WWOX: variants seen among roughly 807,000 people sequenced by gnomAD.
The protein encoded by WWOX is WW domain containing oxidoreductase, also known as WW domain-containing oxidoreductase.
Under a neutral mutation model 46.2 loss-of-function variants are expected in WWOX, and 69 were observed. That is an observed-to-expected ratio of 1.49 (90% CI 1.23 to 1.82). The LOEUF (loss-of-function observed/expected upper bound fraction) is 1.82. Ranked by LOEUF, WWOX falls within the 40% of genes most tolerant of loss-of-function variation. WWOX has a pLI of 0.00. For synonymous variants in WWOX, 359 were observed against 202.6 expected, an observed-to-expected ratio of 1.77 and a Z score of -6.56; for missense variants, 919 against 542.6, an observed-to-expected ratio of 1.69 and a Z score of -6.89.
intron 5 of WWOX, among the ~76,000 whole-genome samples, chr16:78,164,817 A>T (rs2034919012): frequency 6.6e-6 from 1 of 152,218 alleles, no homozygotes; most frequent in African/African-American, 2.4e-5. Context: ...AATAGACCAT[A>T]ATCAAGTTTA....
At chr16:78,495,145 CT>C (rs71140804) in intron 8 of WWOX, among the ~76,000 whole-genome samples, 61 of 116,580 alleles carry the variant, frequency 5.2e-4, no homozygotes, top group East Asian at 1.0e-3. Flanking sequence ...CTGTTGTGTT[CT>C]TTTTTTTTTT....
At chr16:78,702,125 T>A (rs2048237830) in intron 8 of WWOX, among the ~76,000 whole-genome samples, 1 of 134,846 alleles carries the variant, frequency 7.4e-6, no homozygotes, top group Non-Finnish European at 1.6e-5. Context: ...TATATATATT[T>A]ATTTATTTTC....
intron 6 of WWOX, among the ~76,000 whole-genome samples, chr16:78,421,472 A>T (rs1461454403): frequency 1.3e-5 from 2 of 152,150 alleles, no homozygotes; most frequent in African/African-American, 4.8e-5. Context: ...TTAATCCAAG[A>T]TGATCTCATT....
At chr16:79,077,636 T>TCC (rs1555523688) in intron 8 of WWOX, 11 of 117,560 alleles carry the variant, frequency 9.4e-5, no homozygotes, top group South Asian at 2.8e-4. Flanking sequence ...CCTTAAATGG[T>TCC]CCCCCCTTTT....
At chr16:78,483,394 C>A (rs1242721573) in intron 8 of WWOX, among the ~76,000 whole-genome samples, 1 of 144,368 alleles carries the variant, frequency 6.9e-6, no homozygotes, top group Non-Finnish European at 1.5e-5. Context: ...TTTTTTAATA[C>A]TTTTCTTTTT....
Position 78,825,617 on chromosome 16 carries a change from T to C in WWOX, c.1057-385991T>C, listed in dbSNP as rs1374365420. ...AGTACAAACTCCTAGGAGGGCTTAC[T>C]GTGCGGAGGGCCTGCGATGGTGGGC... On this transcript the variant is annotated intron_variant, in intron 8 of 8. Transcript: ENST00000566780. The C allele has an allele frequency of 3.8e-5, 20 of 522,982 alleles. No homozygotes were observed. In the East Asian group the frequency reaches 9.3e-4, roughly 24 times the overall value. 32.4% of individuals were successfully genotyped at this position (522,982 alleles called of 1,614,324 possible).
intron 8 of WWOX, among the ~76,000 whole-genome samples, chr16:78,682,081 T>C (rs2047743658): frequency 6.6e-6 from 1 of 152,222 alleles, no homozygotes; most frequent in Non-Finnish European, 1.5e-5. Context: ...AAAATGCATG[T>C]ATGTAAAGTC....
chr16:79,071,998 A>G (rs1173062515), intron 8 of WWOX, among the ~76,000 whole-genome samples: 2 of 152,164 alleles, frequency 1.3e-5, no homozygotes, highest in African/African-American at 2.4e-5. Flanking sequence ...AAAAATGCTT[A>G]TACGCCGGCC....
chr16:78,289,583 A>C, intron 5 of WWOX, among the ~76,000 whole-genome samples: 1 of 151,136 alleles, frequency 6.6e-6, no homozygotes, highest in East Asian at 1.9e-4. Context: ...GACCAGTAAC[A>C]GGGGAAAAAA....
chr16:78,114,708 C>G (rs764718387), intron 3 of WWOX, among the ~76,000 whole-genome samples: 6 of 146,526 alleles, frequency 4.1e-5, no homozygotes, highest in Non-Finnish European at 7.4e-5. Context: ...TTTTTGAGAT[C>G]TAAGGATACA....
chr16:78,786,793 A>G (rs188169390), intron 8 of WWOX, among the ~76,000 whole-genome samples: 1 of 152,352 alleles, frequency 6.6e-6, no homozygotes, highest in East Asian at 1.9e-4. Flanking sequence ...CATGCCAAGA[A>G]TGTTTCTAAT....
At chr16:79,135,381 C>A (rs930499278) in intron 8 of WWOX, among the ~76,000 whole-genome samples, 2 of 152,012 alleles carry the variant, frequency 1.3e-5, no homozygotes, top group African/African-American at 4.8e-5. Flanking sequence ...TTAGTTAATT[C>A]TTTTAAAAGG....
At position 78,509,096 on chromosome 16, in the gene WWOX, C is replaced by A. The variant is rs139729307; in HGVS notation, c.1056+76344C>A. ...CACTGTTTCCAGTGTGCAGTGAGGC[C>A]CTCCCTTCGTGTAGAACAGGACAGG... On this transcript the variant is annotated intron_variant, in intron 8 of 8. Coordinates refer to ENST00000566780, the MANE Select transcript of WWOX (RefSeq NM_016373.4). Among the ~76,000 whole-genome samples, 3 of 152,272 alleles carry A rather than the reference C, an allele frequency of 2.0e-5. No homozygotes were observed. The East Asian group carries it at 5.8e-4, about 29-fold the overall frequency.
At chr16:78,790,755 C>T (rs1445115638) in intron 8 of WWOX, among the ~76,000 whole-genome samples, 6 of 152,136 alleles carry the variant, frequency 3.9e-5, no homozygotes, top group Admixed American at 2.0e-4. Flanking sequence ...CACAGTGACT[C>T]ATGCCTGTAA....
intron 8 of WWOX, among the ~76,000 whole-genome samples, chr16:78,802,946 C>CA (rs879363392): frequency 6.9e-5 from 3 of 43,512 alleles, no homozygotes; most frequent in Non-Finnish European, 1.3e-4. Flanking sequence ...AAAAAAACAA[C>CA]AAACAGAAAA....
chr16:78,744,336 T>C (rs187169273), intron 8 of WWOX, among the ~76,000 whole-genome samples: 3 of 152,114 alleles, frequency 2.0e-5, no homozygotes, highest in Admixed American at 2.0e-4. Context: ...TTTTTATTTG[T>C]TTGCTTTTTT....
At chr16:78,553,776 A>G (rs1281387147) in intron 8 of WWOX, among the ~76,000 whole-genome samples, 2 of 151,978 alleles carry the variant, frequency 1.3e-5, no homozygotes, top group Non-Finnish European at 2.9e-5. Flanking sequence ...CGAGGTGCCA[A>G]TGAGTGTGGC....
chr16:78,712,862 G>A (rs1431337484), intron 8 of WWOX, among the ~76,000 whole-genome samples: 2 of 152,060 alleles, frequency 1.3e-5, no homozygotes, highest in African/African-American at 4.8e-5. Flanking sequence ...ATTGTTGGCC[G>A]ACTGTGGGTT....
intron 8 of WWOX, among the ~76,000 whole-genome samples, chr16:78,969,919 A>C (rs1340242307): frequency 6.6e-6 from 1 of 152,164 alleles, no homozygotes; most frequent in African/African-American, 2.4e-5. Context: ...AAATGTTGTA[A>C]AGTTGATTGT....
Sources: gnomAD v4.1 joint callset for allele counts (sites outside exome capture counted in the v4.1 genomes callset) on GRCh38, gnomAD v4.1.1 for gene constraint, MANE v1.5 for transcripts, NCBI Gene and HGNC (gene_info 2026-07-23, HGNC 2026-07-21) for gene names.